The following PQBP1 variants were observed in gnomAD, a reference collection of about 807,000 sequenced individuals.
The protein encoded by PQBP1 is polyglutamine binding protein 1.
In PQBP1, 3 loss-of-function variants were observed where a neutral mutation model predicts 20.9. The observed-to-expected ratio is 0.14, with a 90% CI of 0.07 to 0.37. The LOEUF (loss-of-function observed/expected upper bound fraction) is 0.37. PQBP1 is among the 10% of genes least tolerant of loss of function. The pLI is 1.00. For missense variants in PQBP1, 162 were observed against 240.3 expected (o/e 0.67, Z 2.16); for synonymous variants, 83 against 93.8 (o/e 0.88, Z 0.67).
intron 6 of PQBP1, 62 bp downstream of exon 6, chrX:48,902,857 T>C (rs1233645438): frequency 5.3e-5 from 63 of 1,182,434 alleles, no homozygotes; most frequent in Non-Finnish European, 6.2e-5. Flanking sequence ...CTTCCTCCAT[T>C]CCTCATTGGG....
At chrX:48,899,905 C>A (rs1334935927) in intron 2 of PQBP1, among the ~76,000 whole-genome samples, 2 of 111,930 alleles carry the variant, frequency 1.8e-5, no homozygotes, top group Non-Finnish European at 3.8e-5. Context: ...TAACTGACAT[C>A]TATTACAAGC....
At chrX:48,901,530 G>C (rs1557041111) in intron 3 of PQBP1, 1 of 739,936 alleles carries the variant, frequency 1.4e-6, no homozygotes, top group Non-Finnish European at 2.0e-6. Context: ...CCGGGCTGGA[G>C]TGCAATGGTG....
chrX:48,902,441 G>A lies in PQBP1; in HGVS notation c.501G>A (p.Lys167=). The change falls in exon 5 of 7, where the codon AAG becomes AAA. Residue 167 remains lysine, a synonymous_variant. Transcript: ENST00000447146. The part of the protein sequence containing the change: ...RERDRDRGYD[K]ADREEGKERR... ...GGGATCGGGACCGCGGGTATGACAAGGCAGACCGGGAAGAGGGCAAAGAAC... is the reference window on the plus strand; with the variant it reads ...GGGATCGGGACCGCGGGTATGACAAAGCAGACCGGGAAGAGGGCAAAGAAC... 1 of 1,208,707 alleles carries A rather than the reference G, an allele frequency of 8.3e-7. No individual in the cohort carries two copies. The highest frequency in any genetic ancestry group is 2.3e-4 in the Middle Eastern group (1 of 4,353).
At chrX:48,900,285 T>A (rs1240202165) in intron 2 of PQBP1, among the ~76,000 whole-genome samples, 1 of 18,028 alleles carries the variant, frequency 5.5e-5, no homozygotes, top group African/African-American at 2.7e-4. Context: ...ATTGATTTAC[T>A]TTTTTTTTTT....
intron 2 of PQBP1, among the ~76,000 whole-genome samples, chrX:48,899,495 G>A (rs1177812930): frequency 1.8e-5 from 2 of 111,582 alleles, no homozygotes; most frequent in African/African-American, 3.3e-5. Flanking sequence ...GGAGGCTGAG[G>A]TGAGAGGATC....
In PQBP1 at chrX:48,901,241, A is replaced by T; in HGVS notation, c.119A>T (p.Tyr40Phe). The change falls in exon 3 of 7, where the codon TAC (tyrosine) becomes TTC (phenylalanine). Residue 40 changes from tyrosine to phenylalanine, a missense_variant. Physicochemically the swap from Tyr to Phe is conservative, Grantham distance 22 (BLOSUM62 3). Transcript: ENST00000447146. ...GACTATGACGATGATCCTGTGGACT[A>T]CGAGGCCACCAGGTTGGAGGGCCTA... is the stretch of plus-strand genomic sequence containing the variant. ...AEDYDDDPVDYEATRLEGLPP... is the reference protein window; with the variant it reads ...AEDYDDDPVDFEATRLEGLPP... 1 of 1,210,034 alleles carries T rather than the reference A, an allele frequency of 8.3e-7. No homozygotes were observed. The highest frequency in any genetic ancestry group is 1.1e-6 in the Non-Finnish European group (1 of 894,792).
intron 3 of PQBP1, 176 bp downstream of exon 3, chrX:48,901,477 T>C: frequency 7.0e-6 from 7 of 994,116 alleles, no homozygotes; most frequent in Non-Finnish European, 9.6e-6. Flanking sequence ...GTTGGAAGAC[T>C]GTCTTTTCTC....
In PQBP1 at chrX:48,902,931, C is replaced by T; in HGVS notation, c.645C>T (p.Gly215=). The T allele has an allele frequency of 8.4e-7, 1 of 1,196,950 alleles. No homozygotes were observed. The highest frequency in any genetic ancestry group is 1.8e-5 in the South Asian group (1 of 54,939). Residue 215 remains glycine (G), a synonymous_variant, in exon 7 of 7, where the codon GGC becomes GGT. Coordinates refer to ENST00000447146, the MANE Select transcript of PQBP1 (RefSeq NM_001032382.2). ...DPSSYSDAPR[G]TWSTGLPKRN... is the part of the protein sequence containing the mutation. Reference sequence around the variant, plus strand: ...CCCCTGACTCTTTCACCGGCAGGGGCACGTGGTCAACAGGACTCCCCAAGC... The same window carrying T: ...CCCCTGACTCTTTCACCGGCAGGGGTACGTGGTCAACAGGACTCCCCAAGC...
At chrX:48,901,667 T>C in intron 3 of PQBP1, 1 of 458,281 alleles carries the variant, frequency 2.2e-6, no homozygotes, top group East Asian at 4.7e-5. Flanking sequence ...TTTGTAGAGA[T>C]GGGGTTTCAT....
At chrX:48,901,742 G>A in intron 3 of PQBP1, 188 bp from the exon 4 acceptor site, 1 of 821,497 alleles carries the variant, frequency 1.2e-6, no homozygotes, top group South Asian at 2.4e-5. Context: ...GCCTCCCAAA[G>A]TGCTGGGATT....
Position 48,902,365 on chromosome X carries a change from G to A in PQBP1, c.425G>A (p.Arg142Gln). ...DRGHDKSDRD[R>Q]ERGYDKVDRE... The stretch of plus-strand genomic sequence containing the variant: ...GGCCACGACAAGTCTGACAGGGATC[G>A]AGAGCGTGGCTATGACAAGGTAGAC... Residue 142 changes from arginine (R) to glutamine (Q), a missense_variant, in exon 5 of 7, where the codon CGA (arginine) becomes CAA (glutamine). Arg to Gln is a conservative substitution (Grantham distance 43). Coordinates refer to ENST00000447146, the MANE Select transcript of PQBP1 (RefSeq NM_001032382.2). 1.7e-6 allele frequency: 2 copies of A among 1,210,514 alleles called. No individual in the cohort carries two copies. Among genetic ancestry groups the A allele is most frequent in the Admixed American group, 2.2e-5 (1 of 45,860 alleles).
intron 1 of PQBP1, 138 bp downstream of exon 1, chrX:48,898,220 G>A (rs2063338757): frequency 2.1e-6 from 2 of 949,694 alleles, no homozygotes; most frequent in African/African-American, 1.9e-5. Flanking sequence ...CGGAGGGGCC[G>A]GGCTTCTTAG....
Position 48,902,315 on chromosome X carries a change from C to T in PQBP1, c.375C>T (p.Asp125=), listed in dbSNP as rs782343571. Residue 125 remains aspartate (D), a synonymous_variant, in exon 5 of 7, where the codon GAC becomes GAT. Coordinates refer to ENST00000447146, the MANE Select transcript of PQBP1 (RefSeq NM_001032382.2). ...CGGACCGCAGCCATGAGAAACTAGA[C>T]AGGGGCCACGACAAGTCAGACCGGG... ...DKSDRSHEKL[D]RGHDKSDRGH... 9.9e-6 allele frequency: 12 copies of T among 1,209,251 alleles called. No homozygotes were observed. Among genetic ancestry groups the T allele is most frequent in the African/African-American group, 1.8e-5 (1 of 56,984 alleles).
chrX:48,898,219 C>T (rs1381946194), intron 1 of PQBP1, 137 bp downstream of exon 1: 2 of 972,027 alleles, frequency 2.1e-6, no homozygotes, highest in African/African-American at 1.9e-5. Flanking sequence ...GCGGAGGGGC[C>T]GGGCTTCTTA....
At chrX:48,902,869 C>G in intron 6 of PQBP1, 59 bp from the exon 7 acceptor site, 1 of 1,185,293 alleles carries the variant, frequency 8.4e-7, no homozygotes, top group Non-Finnish European at 1.1e-6. Flanking sequence ...CTCATTGGGA[C>G]CAGGTGGGCT....
At chrX:48,898,367 C>T in intron 1 of PQBP1, 125 bp from the exon 2 acceptor site, 1 of 667,736 alleles carries the variant, frequency 1.5e-6, no homozygotes, top group Non-Finnish European at 2.4e-6. Context: ...TCTGTCCACC[C>T]AGCTACTGGT....
Position 48,901,745 on chromosome X carries a change from C to T in PQBP1, c.180-185C>T, listed in dbSNP as rs2063417383. Reference sequence around the variant, plus strand: ...CCGCCTGCCTCGGCCTCCCAAAGTGCTGGGATTACAGGCATGAGCCACCAC... The same window carrying T: ...CCGCCTGCCTCGGCCTCCCAAAGTGTTGGGATTACAGGCATGAGCCACCAC... On this transcript the variant is annotated intron_variant, in intron 3 of 6. Transcript: ENST00000447146. 3.5e-6 allele frequency: 3 copies of T among 848,353 alleles called. No homozygotes were observed. In the East Asian group the frequency reaches 1.1e-4, roughly 31 times the overall value. The allele number at this position is 848,353 out of a possible 1,213,427, so 69.9% of individuals were successfully genotyped here.
intron 2 of PQBP1, among the ~76,000 whole-genome samples, 159 bp downstream of exon 2, chrX:48,898,735 A>G (rs1557040275): frequency 1.0e-5 from 1 of 99,484 alleles, no homozygotes; most frequent in African/African-American, 3.9e-5. Flanking sequence ...CCTGACATCC[A>G]TCCCTACCGC....
rs782345078 is a variant in PQBP1, at chrX:48,898,493, TC to T, written c.-16del. On this transcript the variant is annotated splice_region_variant and 5_prime_UTR_variant, in exon 2 of 7. Coordinates refer to ENST00000447146, the MANE Select transcript of PQBP1 (RefSeq NM_001032382.2). ...GTCAGTTTGTTCGTCTGTCCCTAGGTCTGTCTGCTATCAGCTATGCCGCTGC... is the reference window on the plus strand; with the variant it reads ...GTCAGTTTGTTCGTCTGTCCCTAGGTTGTCTGCTATCAGCTATGCCGCTGC... 6 of 1,209,390 alleles carry T rather than the reference TC, an allele frequency of 5.0e-6. No homozygotes were observed. The highest frequency in any genetic ancestry group is 6.7e-6 in the Non-Finnish European group (6 of 893,461).
Sources: gnomAD v4.1 joint callset for allele counts (sites outside exome capture counted in the v4.1 genomes callset) on GRCh38, gnomAD v4.1.1 for gene constraint, MANE v1.5 for transcripts, NCBI Gene and HGNC (gene_info 2026-07-23, HGNC 2026-07-21) for gene names.